SGCZ: variants seen among roughly 807,000 people sequenced by gnomAD.
SGCZ encodes zeta-sarcoglycan.
In SGCZ, 40 loss-of-function variants were observed where a neutral mutation model predicts 41.3. That is an observed-to-expected ratio of 0.97 (90% CI 0.75 to 1.26). SGCZ has a LOEUF of 1.26. Among genes scored for constraint, SGCZ ranks in the 50% most tolerant of loss-of-function variants. The probability of loss-of-function intolerance (pLI) is 0.00; values close to 1 mark genes in which losing one functional copy is unlikely to be tolerated. For synonymous variants in SGCZ, 206 were observed against 137.5 expected (o/e 1.50, Z -3.49); for missense variants, 552 against 369.8 (o/e 1.49, Z -4.04).
intron 2 of SGCZ, among the ~76,000 whole-genome samples, chr8:14,384,703 G>A (rs1025356957): frequency 6.6e-6 from 1 of 152,108 alleles, no homozygotes; most frequent in African/African-American, 2.4e-5. Context: ...GGGATTACAG[G>A]CATATGCCAC....
At chr8:14,470,100 C>A (rs1258246280) in intron 2 of SGCZ, among the ~76,000 whole-genome samples, 2 of 152,068 alleles carry the variant, frequency 1.3e-5, no homozygotes, top group African/African-American at 4.8e-5. Context: ...AGCACTCAAT[C>A]TGTGAGGTCT....
At chr8:14,923,873 G>A (rs1585382750) in intron 1 of SGCZ, among the ~76,000 whole-genome samples, 1 of 152,304 alleles carries the variant, frequency 6.6e-6, no homozygotes, top group East Asian at 1.9e-4. Context: ...GAGAACCCCA[G>A]AGTTGGTACG....
At chr8:14,431,811 A>G (rs1053425110) in intron 2 of SGCZ, among the ~76,000 whole-genome samples, 2 of 152,226 alleles carry the variant, frequency 1.3e-5, no homozygotes, top group African/African-American at 4.8e-5. Context: ...TCCAGAATCT[A>G]CAACCAACTC....
At chr8:14,532,495 T>G (rs17119700) in intron 2 of SGCZ, among the ~76,000 whole-genome samples, 1 of 151,692 alleles carries the variant, frequency 6.6e-6, no homozygotes, top group Non-Finnish European at 1.5e-5. Flanking sequence ...AAACTGGTGT[T>G]TCAGAAGAAG....
chr8:14,251,830 C>G (rs1183325618), intron 3 of SGCZ, among the ~76,000 whole-genome samples: 5 of 152,100 alleles, frequency 3.3e-5, no homozygotes, highest in Non-Finnish European at 5.9e-5. Context: ...GTTCTCCTGC[C>G]TCAGCCTCCT....
At chr8:14,287,859 T>C (rs944928981) in intron 3 of SGCZ, among the ~76,000 whole-genome samples, 1 of 152,082 alleles carries the variant, frequency 6.6e-6, no homozygotes, top group African/African-American at 2.4e-5. Flanking sequence ...TTGCTGAGTC[T>C]TCATTTGCAG....
chr8:14,289,709 G>C (rs1304999256), intron 3 of SGCZ, among the ~76,000 whole-genome samples: 1 of 151,594 alleles, frequency 6.6e-6, no homozygotes, highest in Non-Finnish European at 1.5e-5. Context: ...CACACAATGG[G>C]GAAAAGACAA....
chr8:15,007,426 G>A lies in SGCZ; in HGVS notation c.39+230159C>T, dbSNP rs368924810. On this transcript the variant is annotated intron_variant, in intron 1 of 7. Coordinates refer to ENST00000382080, the MANE Select transcript of SGCZ (RefSeq NM_139167.4). Reference sequence around the variant, plus strand: ...TTGTAGTTCTCTAAAACTCTGATTCGAACTTTCTACAAATAGTGGTAAAAT... The same window carrying A: ...TTGTAGTTCTCTAAAACTCTGATTCAAACTTTCTACAAATAGTGGTAAAAT... Among the ~76,000 whole-genome samples, 30 of 152,204 alleles carry A rather than the reference G, an allele frequency of 2.0e-4. No homozygotes were observed. In the East Asian group the frequency reaches 3.5e-3, roughly 18 times the overall value.
intron 1 of SGCZ, among the ~76,000 whole-genome samples, chr8:14,702,141 C>G (rs1809158555): frequency 6.6e-6 from 1 of 151,956 alleles, no homozygotes; most frequent in Non-Finnish European, 1.5e-5. Flanking sequence ...ATGCTCAGTG[C>G]TCACTTTGCC....
At chr8:14,100,407 A>C (rs1801978000) in intron 7 of SGCZ, among the ~76,000 whole-genome samples, 1 of 150,708 alleles carries the variant, frequency 6.6e-6, no homozygotes, top group Non-Finnish European at 1.5e-5. Context: ...TTATCAAAGC[A>C]ACTCTTTAAA....
intron 3 of SGCZ, among the ~76,000 whole-genome samples, chr8:14,285,983 T>C (rs1230345181): frequency 6.6e-6 from 1 of 152,144 alleles, no homozygotes; most frequent in Admixed American, 6.6e-5. Context: ...TATGTGTATC[T>C]AAAAGAAAGA....
chr8:14,429,841 T>C (rs1799893006), intron 2 of SGCZ, among the ~76,000 whole-genome samples: 2 of 152,256 alleles, frequency 1.3e-5, no homozygotes, highest in African/African-American at 4.8e-5. Flanking sequence ...TTGCTGCATG[T>C]TACTGATCTG....
chr8:14,442,607 A>T (rs1362029147), intron 2 of SGCZ, among the ~76,000 whole-genome samples: 1 of 152,166 alleles, frequency 6.6e-6, no homozygotes, highest in African/African-American at 2.4e-5. Context: ...GTTTTGTTCA[A>T]ATTATGCTAA....
chr8:14,090,336 G>A lies in SGCZ; in HGVS notation c.*107C>T. Reference sequence around the variant, plus strand: ...TGCTCACACTGGAAGTTGCTCTGTGGACCATTCGAAGAAGCTCTGGACTGA... The same window carrying A: ...TGCTCACACTGGAAGTTGCTCTGTGAACCATTCGAAGAAGCTCTGGACTGA... On this transcript the variant is annotated 3_prime_UTR_variant, in exon 8 of 8. Transcript: ENST00000382080. 8.3e-7 allele frequency: 1 copy of A among 1,202,848 alleles called. No homozygotes were observed. Among genetic ancestry groups the A allele is most frequent in the Non-Finnish European group, 1.1e-6 (1 of 872,948 alleles). 74.5% of individuals were successfully genotyped at this position (1,202,848 alleles called of 1,614,324 possible).
In SGCZ at chr8:14,271,641, AT is replaced by A. The variant is rs561415127; in HGVS notation, c.337-33963del. Reference sequence around the variant, plus strand: ...ATATGCTTGTCCAATATATAGAAAGATTTTTTTCCTGGTTTTCTGCTGGAGA... The same window carrying A: ...ATATGCTTGTCCAATATATAGAAAGATTTTTTCCTGGTTTTCTGCTGGAGA... On this transcript the variant is annotated intron_variant, in intron 3 of 7. Coordinates refer to ENST00000382080, the MANE Select transcript of SGCZ (RefSeq NM_139167.4). Among the ~76,000 whole-genome samples the A allele has an allele frequency of 8.6e-3, 1,301 of 152,142 alleles. 5 individuals carry two copies. Among genetic ancestry groups the A allele is most frequent in the Non-Finnish European group, 0.012 (822 of 67,990 alleles).
intron 1 of SGCZ, among the ~76,000 whole-genome samples, chr8:14,848,146 T>C (rs1266701615): frequency 1.3e-5 from 2 of 152,128 alleles, no homozygotes; most frequent in Admixed American, 6.6e-5. Flanking sequence ...AAAATTCTTA[T>C]GGTAAATATG....
chr8:14,422,816 C>T (rs1449932906), intron 2 of SGCZ, among the ~76,000 whole-genome samples: 1 of 152,144 alleles, frequency 6.6e-6, no homozygotes, highest in Non-Finnish European at 1.5e-5. Context: ...CTCTTAGGCT[C>T]AGAAATCTGA....
At chr8:14,899,577 C>G (rs1466640231) in intron 1 of SGCZ, among the ~76,000 whole-genome samples, 1 of 152,166 alleles carries the variant, frequency 6.6e-6, no homozygotes. Context: ...CTTCCCACTG[C>G]ACAGGCAAAG....
At chr8:14,136,907 C>T (rs1803216939) in intron 5 of SGCZ, among the ~76,000 whole-genome samples, 1 of 152,198 alleles carries the variant, frequency 6.6e-6, no homozygotes, top group Non-Finnish European at 1.5e-5. Context: ...GAAGGGCCGA[C>T]TGACACCTCA....
Sources: allele counts gnomAD v4.1 joint callset (sites outside exome capture counted in the v4.1 genomes callset), GRCh38; gene constraint gnomAD v4.1.1; transcripts MANE v1.5; gene names NCBI Gene and HGNC (gene_info 2026-07-23, HGNC 2026-07-21).